LRRC37A2: variants seen among roughly 807,000 people sequenced by gnomAD.
LRRC37A2 encodes the protein leucine-rich repeat-containing protein 37A2.
A neutral mutation model predicts 68.8 loss-of-function variants in LRRC37A2; 9 were observed. That is an observed-to-expected ratio of 0.13 (90% CI 0.08 to 0.23). The LOEUF (loss-of-function observed/expected upper bound fraction) is 0.23. LRRC37A2 is among the 10% of genes least tolerant of loss of function. The pLI is 1.00. For synonymous variants in LRRC37A2, 63 were observed against 367.6 expected (o/e 0.17, Z 9.48); for missense variants, 168 against 950.4 (o/e 0.18, Z 10.82).
At chr17:46,722,084 A>G in the LRRC37A2 span, 1 of 1,610,944 alleles carries the variant, frequency 6.2e-7, no homozygotes, top group African/African-American at 1.3e-5. Flanking sequence ...CTCCAGCTCC[A>G]GAAGAGCCTG....
the LRRC37A2 span, among the ~76,000 whole-genome samples, chr17:46,709,328 G>C: frequency 2.0e-5 from 3 of 151,812 alleles, no homozygotes; most frequent in African/African-American, 7.3e-5. Flanking sequence ...TTTATTCCAA[G>C]GGTCTGGAGG....
the LRRC37A2 span, chr17:46,929,616 T>G: frequency 9.2e-7 from 1 of 1,085,998 alleles, no homozygotes; most frequent in Non-Finnish European, 1.4e-6. Flanking sequence ...CCAGAGTCCT[T>G]TCTCTGATGA....
chr17:46,984,643 T>A, the LRRC37A2 span, among the ~76,000 whole-genome samples: 1 of 152,180 alleles, frequency 6.6e-6, no homozygotes, highest in African/African-American at 2.4e-5. Flanking sequence ...CTGGCATGCC[T>A]GAGCCATCCA....
chr17:46,884,425 G>C, the LRRC37A2 span, among the ~76,000 whole-genome samples: 1 of 152,144 alleles, frequency 6.6e-6, no homozygotes, highest in Non-Finnish European at 1.5e-5. Flanking sequence ...GGCGTGAGGG[G>C]GCACACAGGA....
chr17:46,930,910 C>CT, the LRRC37A2 span: 3 of 603,550 alleles, frequency 5.0e-6, no homozygotes, highest in Non-Finnish European at 8.9e-6. Flanking sequence ...TATACATGTA[C>CT]TTTTTTCAAA....
chr17:46,923,490 G>T, the LRRC37A2 span: 1 of 1,383,322 alleles, frequency 7.2e-7, no homozygotes, highest in South Asian at 1.8e-5. Context: ...ACTGGGTGAC[G>T]GGAAACTGGC....
At chr17:47,019,485 C>T in the LRRC37A2 span, 2 of 1,579,726 alleles carry the variant, frequency 1.3e-6, no homozygotes, top group Non-Finnish European at 8.7e-7. Context: ...AGAGATTGGA[C>T]ATTCTACAGC....
At chr17:46,733,318 ATTT>A in the LRRC37A2 span, among the ~76,000 whole-genome samples, 7 of 151,574 alleles carry the variant, frequency 4.6e-5, no homozygotes, top group African/African-American at 1.7e-4. Flanking sequence ...CAGTGGCTTG[ATTT>A]TTCCTCATAG....
chr17:46,725,420 A>G, the LRRC37A2 span, among the ~76,000 whole-genome samples: 1 of 152,162 alleles, frequency 6.6e-6, no homozygotes, highest in East Asian at 1.9e-4. Flanking sequence ...TTTTCACCAG[A>G]GGGGTTGACC....
chr17:46,499,539 A>T, the LRRC37A2 span, among the ~76,000 whole-genome samples: 2 of 124,894 alleles, frequency 1.6e-5, no homozygotes, highest in Non-Finnish European at 3.2e-5. Context: ...GGTTGAACAG[A>T]TAATTGTTTT....
At chr17:46,902,495 A>G in the LRRC37A2 span, among the ~76,000 whole-genome samples, 1 of 144,348 alleles carries the variant, frequency 6.9e-6, no homozygotes, top group African/African-American at 2.8e-5. Flanking sequence ...TGTGTAAGAT[A>G]GAGACAGAGA....
At chr17:46,953,257 C>G in the LRRC37A2 span, among the ~76,000 whole-genome samples, 2 of 151,598 alleles carry the variant, frequency 1.3e-5, no homozygotes, top group Non-Finnish European at 2.9e-5. Context: ...TCCATGTGTT[C>G]TCATTGTTCA....
the LRRC37A2 span, chr17:46,939,872 G>T: frequency 1.0e-6 from 1 of 994,220 alleles, no homozygotes; most frequent in African/African-American, 1.7e-5. Context: ...TCCATCTAAT[G>T]TGGTGAATCA....
the LRRC37A2 span, among the ~76,000 whole-genome samples, chr17:46,760,706 T>A: frequency 6.7e-6 from 1 of 150,302 alleles, no homozygotes; most frequent in Non-Finnish European, 1.5e-5. Context: ...CAGTCGAGCA[T>A]CCCTAATCTA....
At chr17:47,019,545 CGA>C in the LRRC37A2 span, 1 of 1,493,768 alleles carries the variant, frequency 6.7e-7, no homozygotes, top group East Asian at 2.3e-5. Context: ...GACTCTGCAT[CGA>C]AAACTGACTG....
At chr17:46,995,780 T>C in the LRRC37A2 span, among the ~76,000 whole-genome samples, 5 of 152,214 alleles carry the variant, frequency 3.3e-5, no homozygotes, top group Non-Finnish European at 7.4e-5. Context: ...CAGTGATATT[T>C]GAGGGTTTTC....
chr17:46,497,532 A>G, the LRRC37A2 span, among the ~76,000 whole-genome samples: 1 of 147,626 alleles, frequency 6.8e-6, no homozygotes, highest in African/African-American at 2.6e-5. Flanking sequence ...ACCTCTAAAT[A>G]AAATGTAAAA....
the LRRC37A2 span, chr17:46,726,489 T>C: frequency 6.7e-7 from 1 of 1,503,442 alleles, no homozygotes; most frequent in East Asian, 2.3e-5. Context: ...ACTAAACTTC[T>C]TGGAAATTGT....
the LRRC37A2 span, among the ~76,000 whole-genome samples, chr17:46,771,119 C>G: frequency 6.6e-6 from 1 of 152,238 alleles, no homozygotes; most frequent in African/African-American, 2.4e-5. Context: ...TTGGCTCCCG[C>G]GGCCGCTCTC....
Sources: gnomAD v4.1 joint callset for allele counts (sites outside exome capture counted in the v4.1 genomes callset) on GRCh38, gnomAD v4.1.1 for gene constraint, MANE v1.5 for transcripts, NCBI Gene and HGNC (gene_info 2026-07-23, HGNC 2026-07-21) for gene names.